Variants in RNF213 observed in about 807,000 individuals in gnomAD.
RNF213 encodes ring finger protein 213, also known as E3 ubiquitin-protein ligase RNF213.
In RNF213, 341 loss-of-function variants were observed where a neutral mutation model predicts 514.4. That is an observed-to-expected ratio of 0.66 (90% CI 0.61 to 0.73). The LOEUF (loss-of-function observed/expected upper bound fraction) is 0.73, where lower values mean the gene tolerates loss of function less well. Among genes scored for constraint, RNF213 ranks in the 30% least tolerant of loss-of-function variants. The pLI is 0.00. For missense variants in RNF213, 5,767 were observed against 6,615.6 expected (o/e 0.87, Z 4.45); for synonymous variants, 2,655 against 2,658.2 (o/e 1.00, Z 0.04).
intron 18 of RNF213, among the ~76,000 whole-genome samples, chr17:80,326,858 T>G (rs1262631782): frequency 2.0e-5 from 3 of 152,268 alleles, no homozygotes; most frequent in Non-Finnish European, 1.5e-5. Context: ...AAAGCTACTA[T>G]GTTTGTTTCT....
At position 80,390,004 on chromosome 17, in the gene RNF213, C is replaced by T. The variant is rs755085829; in HGVS notation, c.15286-8C>T. 9.9e-6 allele frequency: 16 copies of T among 1,614,066 alleles called. No individual in the cohort carries two copies. Among genetic ancestry groups the T allele is most frequent in the Middle Eastern group, 1.6e-4 (1 of 6,084 alleles). ...TTTAATGCTTCATTTGCTCTTCCGTCGTTTTAGGAGCCATTTGGGGAAATC... is the reference window on the plus strand; with the variant it reads ...TTTAATGCTTCATTTGCTCTTCCGTTGTTTTAGGAGCCATTTGGGGAAATC... On this transcript the variant is annotated splice_polypyrimidine_tract_variant and splice_region_variant and intron_variant, in intron 66 of 67. Transcript: ENST00000582970.
intron 2 of RNF213, 112 bp from the exon 3 acceptor site, chr17:80,273,129 G>A: frequency 1.9e-5 from 28 of 1,436,192 alleles, no homozygotes; most frequent in Non-Finnish European, 2.4e-5. Flanking sequence ...GCAGGACCTC[G>A]GAGGGAGAAC....
intron 36 of RNF213, chr17:80,355,410 C>T: frequency 4.4e-6 from 1 of 229,572 alleles, no homozygotes; most frequent in Non-Finnish European, 9.2e-6. Flanking sequence ...GGAATGGGGG[C>T]TCACGGAGGA....
intron 36 of RNF213, chr17:80,355,249 C>T (rs528103993): frequency 2.6e-4 from 120 of 455,252 alleles, no homozygotes; most frequent in African/African-American, 2.3e-3. Context: ...AGCTTCTGTG[C>T]CAGTGATAGG....
At chr17:80,331,894 T>C in intron 20 of RNF213, 112 bp from the exon 21 acceptor site, 1 of 1,248,406 alleles carries the variant, frequency 8.0e-7, no homozygotes, top group Non-Finnish European at 1.1e-6. Context: ...CTAGCAGCTG[T>C]GTGCTCTTGA....
chr17:80,372,504 T>G lies in RNF213; in HGVS notation c.12538-17T>G. On this transcript the variant is annotated splice_polypyrimidine_tract_variant and intron_variant, in intron 47 of 67. Transcript: ENST00000582970. ...AAAAAAATAATATCCTTTTCTTTCTTGTTCCTTGTTCCTCAGGATTCAATA... is the reference window on the plus strand; with the variant it reads ...AAAAAAATAATATCCTTTTCTTTCTGGTTCCTTGTTCCTCAGGATTCAATA... The G allele has an allele frequency of 6.3e-7, 1 of 1,589,132 alleles. No homozygotes were observed. The highest frequency in any genetic ancestry group is 8.6e-7 in the Non-Finnish European group (1 of 1,159,042).
intron 39 of RNF213, among the ~76,000 whole-genome samples, chr17:80,362,611 G>A (rs1167018511): frequency 3.9e-5 from 6 of 152,364 alleles, no homozygotes; most frequent in Middle Eastern, 3.4e-3. Context: ...ACAGTGTAGC[G>A]TGCACAGTGG....
At chr17:80,387,121 C>G (rs1006588042) in intron 63 of RNF213, among the ~76,000 whole-genome samples, 6 of 152,238 alleles carry the variant, frequency 3.9e-5, no homozygotes, top group Admixed American at 1.3e-4. Flanking sequence ...CCCCAAGGAA[C>G]TGTTGAGGTC....
rs1216271084 is a variant in RNF213 at position 80,372,716 on chromosome 17, G to A, written c.12733G>A (p.Glu4245Lys). ...CLDRAADFLSEPEGGPEMAKE... is the reference protein window; with the variant it reads ...CLDRAADFLSKPEGGPEMAKE... Reference sequence around the variant, plus strand: ...CGACAGAGCTGCAGATTTCCTCTCGGAGCCTGAGGGAGGCCCAGGCAAGTC... The same window carrying A: ...CGACAGAGCTGCAGATTTCCTCTCGAAGCCTGAGGGAGGCCCAGGCAAGTC... The change falls in exon 48 of 68, where the codon GAG (glutamate) becomes AAG (lysine). Residue 4245 changes from glutamate to lysine, a missense_variant. This residue lies in a region of RNF213 where 1,245 missense variants were observed against 1,339.0 expected (regional missense o/e 0.93). Coordinates refer to ENST00000582970, the MANE Select transcript of RNF213 (RefSeq NM_001256071.3). 1.2e-6 allele frequency: 2 copies of A among 1,613,490 alleles called. No individual in the cohort carries two copies. The highest frequency in any genetic ancestry group is 1.1e-5 in the South Asian group (1 of 91,060).
chr17:80,333,718 C>A (rs2077903420), intron 21 of RNF213: 1 of 165,820 alleles, frequency 6.0e-6, no homozygotes, highest in Non-Finnish European at 1.3e-5. Context: ...AAAAAAAAAA[C>A]CTGGAATCCC....
chr17:80,383,984 G>A (rs1018756423), intron 59 of RNF213, 56 bp downstream of exon 59: 8 of 1,606,972 alleles, frequency 5.0e-6, no homozygotes, highest in Non-Finnish European at 6.0e-6. Context: ...TCCCCAGCAG[G>A]CCTGAAGGCC....
intron 21 of RNF213, among the ~76,000 whole-genome samples, chr17:80,333,434 CTGTAATCCCAG>C (rs1278409218): frequency 6.6e-6 from 1 of 151,218 alleles, no homozygotes; most frequent in Non-Finnish European, 1.5e-5. Context: ...TGGCTCATGC[CTGTAATCCCAG>C]CACTTTGGGA....
chr17:80,352,143 G>A (rs12051817), intron 32 of RNF213: 119,906 of 246,736 alleles, frequency 0.49, 31,217 homozygotes, highest in Non-Finnish European at 0.57. Flanking sequence ...GTGAGCCACC[G>A]CACCCAGCCC....
At chr17:80,319,723 A>G in intron 17 of RNF213, 3 of 1,408,302 alleles carry the variant, frequency 2.1e-6, no homozygotes, top group Non-Finnish European at 9.2e-7. Flanking sequence ...AATATGTGAA[A>G]TGGAAAATTG....
intron 23 of RNF213, chr17:80,337,383 A>G (rs2078017606): frequency 1.6e-6 from 1 of 632,234 alleles, no homozygotes; most frequent in African/African-American, 1.8e-5. Flanking sequence ...GCGAGTACAA[A>G]GCAGCACTGA....
intron 38 of RNF213, among the ~76,000 whole-genome samples, chr17:80,360,821 T>C (rs983555447): frequency 6.6e-6 from 1 of 152,240 alleles, no homozygotes; most frequent in Admixed American, 6.5e-5. Context: ...CGTTTACTTA[T>C]CGTACCATTT....
At position 80,367,961 on chromosome 17, in the gene RNF213, G is replaced by A; in HGVS notation, c.11973G>A (p.Arg3991=). The part of the protein sequence containing the change: ...CKETASKTLS[R]FGIQPCSICL... ...ACTGATTGCCCTTCTTGGATTCTAG[G>A]TTTGGGATTCAGCCGTGCTCCATCT... The change falls in exon 44 of 68, where the codon AGG becomes AGA. Residue 3991 remains arginine (R), a splice_region_variant and synonymous_variant. Coordinates refer to ENST00000582970, the MANE Select transcript of RNF213 (RefSeq NM_001256071.3). 6.2e-7 allele frequency: 1 copy of A among 1,614,222 alleles called. No individual in the cohort carries two copies. The highest frequency in any genetic ancestry group is 1.3e-5 in the African/African-American group (1 of 75,058).
At position 80,358,348 on chromosome 17, in the gene RNF213, A is replaced by C. The variant is rs1267841314; in HGVS notation, c.10923A>C (p.Ser3641=). The part of the protein sequence containing the change: ...AVTPLLASMI[S]FIDRDGNLEL... ...CCCCTCTGCTGGCGAGCATGATATCATTCATCGACAGAGACGGCAACCTAG... is the reference window on the plus strand; with the variant it reads ...CCCCTCTGCTGGCGAGCATGATATCCTTCATCGACAGAGACGGCAACCTAG... The change falls in exon 37 of 68, where the codon TCA becomes TCC. Residue 3641 remains serine (S), a synonymous_variant. Coordinates refer to ENST00000582970, the MANE Select transcript of RNF213 (RefSeq NM_001256071.3). The C allele has an allele frequency of 6.2e-7, 1 of 1,614,194 alleles. No individual in the cohort carries two copies. Among genetic ancestry groups the C allele is most frequent in the Admixed American group, 1.7e-5 (1 of 60,022 alleles).
chr17:80,288,458 G>A lies in RNF213; in HGVS notation c.810+95G>A, dbSNP rs944365730. ...GCTGGCGTTGCTTCCCTGCCGGGGGGAGGGGCGTCCTCTGGGCCCTGCTCC... is the reference window on the plus strand; with the variant it reads ...GCTGGCGTTGCTTCCCTGCCGGGGGAAGGGGCGTCCTCTGGGCCCTGCTCC... On this transcript the variant is annotated intron_variant, in intron 4 of 67. Coordinates refer to ENST00000582970, the MANE Select transcript of RNF213 (RefSeq NM_001256071.3). The surrounding 1 kb of genome is among the most constrained non-coding windows in gnomAD (Gnocchi z 4.9). 16 of 1,594,022 alleles carry A rather than the reference G, an allele frequency of 1.0e-5. No individual in the cohort carries two copies. The highest frequency in any genetic ancestry group is 2.1e-4 in the Middle Eastern group (1 of 4,744).
Sources: gnomAD v4.1 joint callset for allele counts (sites outside exome capture counted in the v4.1 genomes callset) on GRCh38, gnomAD v4.1.1 for gene constraint, gnomAD v4.1.1 regional missense constraint, Gnocchi (gnomAD v3.1) non-coding constraint, MANE v1.5 for transcripts, NCBI Gene and HGNC (gene_info 2026-07-23, HGNC 2026-07-21) for gene names.